The following PRIMPOL variants were observed in gnomAD, a reference collection of about 807,000 sequenced individuals.
PRIMPOL encodes primase and DNA directed polymerase, also known as DNA-directed primase/polymerase protein.
Under a neutral mutation model 63.6 loss-of-function variants are expected in PRIMPOL, and 54 were observed. That is an observed-to-expected ratio of 0.85 (90% CI 0.68 to 1.07). The LOEUF (loss-of-function observed/expected upper bound fraction) is 1.07, where lower values mean the gene tolerates loss of function less well. PRIMPOL is among the 50% of genes least tolerant of loss of function. The pLI, the probability that PRIMPOL is intolerant of heterozygous loss-of-function variation, is 0.00. For synonymous variants in PRIMPOL, 197 were observed against 220.2 expected, an observed-to-expected ratio of 0.89 and a Z score of 0.93; for missense variants, 610 against 648.3, an observed-to-expected ratio of 0.94 and a Z score of 0.64.
chr4:184,662,024 TTTTGAC>T (rs1258149503), intron 5 of PRIMPOL, 121 bp downstream of exon 5: 37 of 825,420 alleles, frequency 4.5e-5, no homozygotes, highest in Non-Finnish European at 6.1e-5. Context: ...CTACTCTTCC[TTTTGAC>T]TTTAGGATTT....
At chr4:184,651,163 C>T (rs1356997895) in intron 1 of PRIMPOL, among the ~76,000 whole-genome samples, 2 of 151,836 alleles carry the variant, frequency 1.3e-5, no homozygotes, top group Admixed American at 6.6e-5. Flanking sequence ...CAGTGGTGGG[C>T]ACCTGTAATC....
chr4:184,663,018 TTTATTATTATTATTATTA>T lies in PRIMPOL; in HGVS notation c.408+1139_408+1156del, dbSNP rs70962516. Among the ~76,000 whole-genome samples, 14 of 138,762 alleles carry T rather than the reference TTTATTATTATTATTATTA, an allele frequency of 1.0e-4. No homozygotes were observed. In the South Asian group the frequency reaches 1.2e-3, roughly 11 times the overall value. 91.0% of individuals were successfully genotyped at this position (138,762 alleles called of 152,430 possible). A position where few individuals can be genotyped will look rare whatever the true frequency, so the allele number is the denominator to read the frequency against. ...GGTAAATTCTGTTTAATTTTAAACC[TTTATTATTATTATTATTA>T]TTATTATTATTATTATTATTATTTC... On this transcript the variant is annotated intron_variant, in intron 5 of 13. Transcript: ENST00000314970.
chr4:184,667,302 G>C (rs1165786702), intron 6 of PRIMPOL, among the ~76,000 whole-genome samples: 1 of 140,838 alleles, frequency 7.1e-6, no homozygotes, highest in Non-Finnish European at 1.5e-5. Context: ...GAGGCATGGA[G>C]AACAGTGAAA....
At position 184,685,640 on chromosome 4, in the gene PRIMPOL, G is replaced by C. The variant is rs745549724; in HGVS notation, c.1251G>C (p.Arg417=). 6.2e-7 allele frequency: 1 copy of C among 1,610,628 alleles called. No individual in the cohort carries two copies. Among genetic ancestry groups the C allele is most frequent in the Non-Finnish European group, 8.5e-7 (1 of 1,177,074 alleles). ...TGGTTTATGATATTTGTAAATATCGGTGGTGTGAAAACATTGGAAGAGCCC... is the reference window on the plus strand; with the variant it reads ...TGGTTTATGATATTTGTAAATATCGCTGGTGTGAAAACATTGGAAGAGCCC... ...ELLVYDICKY[R]WCENIGRAHK... The change falls in exon 11 of 14, where the codon CGG becomes CGC. Residue 417 remains arginine (R), a synonymous_variant. Transcript: ENST00000314970.
chr4:184,691,471 T>A, intron 11 of PRIMPOL, 28 bp from the exon 12 acceptor site: 1 of 1,300,148 alleles, frequency 7.7e-7, no homozygotes, highest in Non-Finnish European at 1.1e-6. Context: ...TTGGTATTAA[T>A]ACTTTTTTTT....
rs1184211989 is a variant in PRIMPOL, at chr4:184,657,223, A to G, written c.83A>G (p.Tyr28Cys). ...HYERKPLSSV[Y>C]RPRLSKPEEP... ...GAGAGGAAACCGTTGTCCTCAGTGT[A>G]TAGACCAAGATTGTCCAAGCCAGAA... Residue 28 changes from tyrosine to cysteine, a missense_variant, in exon 3 of 14, where the codon TAT becomes TGT. Physicochemically the swap from Tyr to Cys is radical, Grantham distance 194. Transcript: ENST00000314970. The G allele has an allele frequency of 6.2e-7, 1 of 1,613,856 alleles. No individual in the cohort carries two copies. Among genetic ancestry groups the G allele is most frequent in the African/African-American group, 1.3e-5 (1 of 74,934 alleles).
rs753502967 is a variant in PRIMPOL, at chr4:184,678,269, A to C, written c.882A>C (p.Lys294Asn). The C allele has an allele frequency of 2.5e-6, 4 of 1,599,628 alleles. No homozygotes were observed. The East Asian group carries it at 6.8e-5, about 27-fold the overall frequency. ...YTRNRNFRLY[K>N]SSKIGKRVAL... ...GAAATAGAAACTTTCGGCTATATAA[A>C]TCATCAAAAATTGGAAAGCGTGTGG... is the stretch of plus-strand genomic sequence containing the variant. Residue 294 changes from lysine to asparagine, a missense_variant, in exon 8 of 14, where the codon AAA (lysine) becomes AAC (asparagine). This residue lies in a region of PRIMPOL where 444 missense variants were observed against 456.4 expected (regional missense o/e 0.97). Transcript: ENST00000314970.
At chr4:184,691,083 T>C (rs6825471) in intron 11 of PRIMPOL, among the ~76,000 whole-genome samples, 10,124 of 152,300 alleles carry the variant, frequency 0.066, 1,085 homozygotes, top group African/African-American at 0.23. Flanking sequence ...TTGCTTTTTG[T>C]CATTCATTTT....
At chr4:184,672,565 T>C (rs1476908484) in intron 7 of PRIMPOL, 105 bp downstream of exon 7, 2 of 1,124,784 alleles carry the variant, frequency 1.8e-6, no homozygotes, top group Non-Finnish European at 2.6e-6. Flanking sequence ...CTTCCTCCAC[T>C]GCCCAAGTCG....
intron 2 of PRIMPOL, among the ~76,000 whole-genome samples, chr4:184,655,387 G>A (rs1022675608): frequency 6.8e-6 from 1 of 147,054 alleles, no homozygotes; most frequent in East Asian, 2.0e-4. Flanking sequence ...GCAGTGGTGC[G>A]ATCTCGGCTC....
intron 5 of PRIMPOL, among the ~76,000 whole-genome samples, chr4:184,663,720 G>A (rs186595105): frequency 6.6e-6 from 1 of 152,234 alleles, no homozygotes; most frequent in East Asian, 1.9e-4. Flanking sequence ...AAATTATACA[G>A]CATTTTTATT....
At chr4:184,681,720 G>A (rs147220456) in intron 8 of PRIMPOL, among the ~76,000 whole-genome samples, 58 of 152,042 alleles carry the variant, frequency 3.8e-4, no homozygotes, top group African/African-American at 1.3e-3. Context: ...AATTACAGGC[G>A]TTTGCCACCA....
chr4:184,693,341 T>G (rs1422781319), intron 13 of PRIMPOL, among the ~76,000 whole-genome samples: 1 of 152,168 alleles, frequency 6.6e-6, no homozygotes, highest in African/African-American at 2.4e-5. Context: ...GATTTAGATA[T>G]TCGTGGTTGC....
At chr4:184,661,680 TG>T (rs1309022344) in intron 4 of PRIMPOL, 93 bp from the exon 5 acceptor site, 1 of 799,180 alleles carries the variant, frequency 1.3e-6, no homozygotes, top group Non-Finnish European at 1.9e-6. Context: ...CAGTCCAGCC[TG>T]GGCAACAGAG....
At chr4:184,692,554 C>T (rs774610715) in intron 13 of PRIMPOL, among the ~76,000 whole-genome samples, 1 of 150,330 alleles carries the variant, frequency 6.7e-6, no homozygotes, top group Non-Finnish European at 1.5e-5. Flanking sequence ...ATCTTCCTTA[C>T]TCATTTGACC....
chr4:184,682,933 C>T (rs1756034822), intron 9 of PRIMPOL, among the ~76,000 whole-genome samples: 1 of 152,000 alleles, frequency 6.6e-6, no homozygotes, highest in Non-Finnish European at 1.5e-5. Context: ...GCCTGTAGTC[C>T]CAGCCACTCA....
At position 184,654,711 on chromosome 4, in the gene PRIMPOL, G is replaced by C. The variant is rs146618127; in HGVS notation, c.-59-2371G>C. Among the ~76,000 whole-genome samples, 1,281 of 151,958 alleles carry C rather than the reference G, an allele frequency of 8.4e-3. 17 individuals are homozygous for C. The highest frequency in any genetic ancestry group is 0.029 in the African/African-American group (1,213 of 41,426). On this transcript the variant is annotated intron_variant, in intron 2 of 13. Coordinates refer to ENST00000314970, the MANE Select transcript of PRIMPOL (RefSeq NM_152683.4). ...TTGTGATCCGCCTGCCTTGGCCTCC[G>C]AAAGTGCTGGGATTACAAGCGTGAG...
rs1757111741 is a variant in PRIMPOL at position 184,686,899 on chromosome 4, A to G, written c.1295+1215A>G. Among the ~76,000 whole-genome samples the G allele has an allele frequency of 2.6e-5, 4 of 152,358 alleles. No homozygotes were observed. The South Asian group carries it at 8.3e-4, about 32-fold the overall frequency. ...ACGAAGGAGATACAGTGCCACAGCC[A>G]GGGCATAACTGCAGCTATCAGTTGA... On this transcript the variant is annotated intron_variant, in intron 11 of 13. Transcript: ENST00000314970.
chr4:184,673,376 G>A (rs1055822143), intron 7 of PRIMPOL, among the ~76,000 whole-genome samples: 7 of 151,134 alleles, frequency 4.6e-5, no homozygotes, highest in Middle Eastern at 3.4e-3. Context: ...TCATCCGCCC[G>A]CCTCGGCCTC....
Sources: allele counts gnomAD v4.1 joint callset (sites outside exome capture counted in the v4.1 genomes callset), GRCh38; gene constraint gnomAD v4.1.1; regional missense constraint gnomAD v4.1.1; transcripts MANE v1.5; gene names NCBI Gene and HGNC (gene_info 2026-07-23, HGNC 2026-07-21).